The following GLG1 variants were observed in gnomAD, a reference collection of about 807,000 sequenced individuals.
GLG1 encodes the protein Golgi apparatus protein 1.
A neutral mutation model predicts 160.5 loss-of-function variants in GLG1; 38 were observed. That is an observed-to-expected ratio of 0.24 (90% CI 0.18 to 0.31). GLG1 has a LOEUF of 0.31. Among genes scored for constraint, GLG1 ranks in the 10% least tolerant of loss-of-function variants. The pLI, the probability that GLG1 is intolerant of heterozygous loss-of-function variation, is 1.00. For synonymous variants in GLG1, 644 were observed against 543.4 expected, an observed-to-expected ratio of 1.19 and a Z score of -2.57; for missense variants, 1,373 against 1,505.2, an observed-to-expected ratio of 0.91 and a Z score of 1.45.
chr16:74,556,857 C>T (rs2018369218), intron 1 of GLG1, among the ~76,000 whole-genome samples: 1 of 151,310 alleles, frequency 6.6e-6, no homozygotes, highest in African/African-American at 2.4e-5. Context: ...GTGTAACAGT[C>T]TGTTTACAGA....
At position 74,485,822 on chromosome 16, in the gene GLG1, G is replaced by A; in HGVS notation, c.1545C>T (p.Cys515=). The A allele has an allele frequency of 1.2e-6, 2 of 1,612,952 alleles. No homozygotes were observed. The highest frequency in any genetic ancestry group is 2.2e-5 in the East Asian group (1 of 44,866). The change falls in exon 9 of 26, where the codon TGC becomes TGT. Residue 515 remains cysteine (C), a synonymous_variant. Transcript: ENST00000422840. ...TTGGGTCTCCAGATCTTATATGTTT[G>A]CAGGCTGTCTGGATTACAGATTCAC... is the stretch of plus-strand genomic sequence containing the variant. ...EACESVIQTA[C]KHIRSGDPMI... is the part of the protein sequence containing the mutation.
chr16:74,595,226 A>C (rs1391174022), intron 1 of GLG1, among the ~76,000 whole-genome samples: 6 of 148,660 alleles, frequency 4.0e-5, no homozygotes, highest in Non-Finnish European at 3.0e-5. Flanking sequence ...ATGAACCACC[A>C]ATTTAAGAAG....
At chr16:74,468,226 CTTTTTTTTTTTTT>C (rs201829157) in intron 17 of GLG1, 26 of 83,322 alleles carry the variant, frequency 3.1e-4, no homozygotes, top group South Asian at 8.4e-4. Context: ...CTTGAAATGT[CTTTTTTTTTTTTT>C]TTTTTTTTTT....
chr16:74,469,311 CAT>C (rs2015113904), intron 16 of GLG1: 2 of 547,984 alleles, frequency 3.6e-6, no homozygotes, highest in South Asian at 2.3e-5. Context: ...ACACAGGGCA[CAT>C]GTGTGCAACG....
chr16:74,476,429 T>A (rs2015392627), intron 12 of GLG1, among the ~76,000 whole-genome samples: 1 of 152,146 alleles, frequency 6.6e-6, no homozygotes, highest in Admixed American at 6.5e-5. Flanking sequence ...AGTCCTATGC[T>A]CAACAGACCT....
chr16:74,561,800 T>C (rs571457248), intron 1 of GLG1, among the ~76,000 whole-genome samples: 10 of 152,332 alleles, frequency 6.6e-5, no homozygotes, highest in South Asian at 6.2e-4. Flanking sequence ...TGGTCCTTCC[T>C]GAATCCGTAA....
chr16:74,575,229 G>A (rs1046740738), intron 1 of GLG1, among the ~76,000 whole-genome samples: 1 of 151,922 alleles, frequency 6.6e-6, no homozygotes, highest in Non-Finnish European at 1.5e-5. Flanking sequence ...CTAGGCCACA[G>A]AGCGAGACTC....
In GLG1 at chr16:74,529,007, C is replaced by T. The variant is rs2017440389; in HGVS notation, c.471+3114G>A. Among the ~76,000 whole-genome samples, 3 of 147,542 alleles carry T rather than the reference C, an allele frequency of 2.0e-5. No individual in the cohort carries two copies. The Admixed American group carries it at 2.1e-4, about 10-fold the overall frequency. ...TTTGAGACAGAATCTCGCTCTGTTG[C>T]CCAGGCTGGAGTGCAGTGGTACGAT... On this transcript the variant is annotated intron_variant, in intron 2 of 25. Transcript: ENST00000422840.
intron 12 of GLG1, among the ~76,000 whole-genome samples, chr16:74,476,475 A>G (rs2015393605): frequency 6.6e-6 from 1 of 152,152 alleles, no homozygotes; most frequent in South Asian, 2.1e-4. Context: ...AAAATGTCCA[A>G]TTCCTGTACG....
At chr16:74,492,365 C>CAA (rs557279333) in intron 7 of GLG1, among the ~76,000 whole-genome samples, 12 of 99,030 alleles carry the variant, frequency 1.2e-4, no homozygotes, top group African/African-American at 1.9e-4. Context: ...GACTCTGTCT[C>CAA]AAAAAAAAAA....
intron 1 of GLG1, among the ~76,000 whole-genome samples, chr16:74,590,384 G>A (rs1273539547): frequency 2.6e-5 from 4 of 151,864 alleles, no homozygotes; most frequent in East Asian, 1.9e-4. Flanking sequence ...CTGGGAGGCC[G>A]AAGCAGGCGG....
chr16:74,555,079 G>T (rs1371905252), intron 1 of GLG1, among the ~76,000 whole-genome samples: 1 of 151,958 alleles, frequency 6.6e-6, no homozygotes, highest in Middle Eastern at 3.2e-3. Flanking sequence ...TGATAAAACG[G>T]GAAAAAAGAA....
Position 74,457,388 on chromosome 16 carries a change from C to T in GLG1, c.3265+486G>A, listed in dbSNP as rs367849828. Among the ~76,000 whole-genome samples, 298 of 152,210 alleles carry T rather than the reference C, an allele frequency of 2.0e-3. 4 individuals are homozygous for T. In the South Asian group the frequency reaches 0.026, roughly 13 times the overall value. On this transcript the variant is annotated intron_variant, in intron 24 of 25. Transcript: ENST00000422840. ...CTCCAGCCTGGGTGACAGAGTGAGACTCTGTCTCAAAAAAATAAATAAAAA... is the reference window on the plus strand; with the variant it reads ...CTCCAGCCTGGGTGACAGAGTGAGATTCTGTCTCAAAAAAATAAATAAAAA...
At chr16:74,493,778 G>T (rs1412223448) in intron 6 of GLG1, among the ~76,000 whole-genome samples, 1 of 152,152 alleles carries the variant, frequency 6.6e-6, no homozygotes, top group Non-Finnish European at 1.5e-5. Flanking sequence ...ATAGCTAATT[G>T]CCTAGAAAGC....
chr16:74,452,893 T>C lies in GLG1; in HGVS notation c.*274A>G. ...CTGGAAGTACCGGAAGTTCTGTTGG[T>C]ATGAGAGAGACTTGTCTACAGGCAG... On this transcript the variant is annotated 3_prime_UTR_variant, in exon 26 of 26. Coordinates refer to ENST00000422840, the MANE Select transcript of GLG1 (RefSeq NM_001145667.2). 8.8e-7 allele frequency: 1 copy of C among 1,138,282 alleles called. No individual in the cohort carries two copies. The highest frequency in any genetic ancestry group is 1.1e-6 in the Non-Finnish European group (1 of 928,506). The allele number at this position is 1,138,282 out of a possible 1,614,324, so 70.5% of individuals were successfully genotyped here.
chr16:74,523,541 A>C (rs995325133), intron 2 of GLG1, among the ~76,000 whole-genome samples: 1 of 152,292 alleles, frequency 6.6e-6, no homozygotes, highest in East Asian at 1.9e-4. Flanking sequence ...CATTTTTTAT[A>C]ACACCAAGTC....
intron 1 of GLG1, among the ~76,000 whole-genome samples, chr16:74,545,695 G>A (rs146218795): frequency 7.2e-5 from 11 of 152,136 alleles, no homozygotes; most frequent in African/African-American, 2.4e-4. Flanking sequence ...CTTTGTATCT[G>A]AGCTCAACTT....
chr16:74,463,166 C>T lies in GLG1; in HGVS notation c.2791+190G>A. On this transcript the variant is annotated intron_variant, in intron 20 of 25. Transcript: ENST00000422840. Reference sequence around the variant, plus strand: ...GGCAGTTTTCTGGTTCTTGTGGCCTCCTCTCTCCCCTGACTCTCCCTCCAT... The same window carrying T: ...GGCAGTTTTCTGGTTCTTGTGGCCTTCTCTCTCCCCTGACTCTCCCTCCAT... 3 of 584,982 alleles carry T rather than the reference C, an allele frequency of 5.1e-6. 1 individual carries two copies. The highest frequency in any genetic ancestry group is 4.7e-5 in the South Asian group (2 of 42,192). The allele number at this position is 584,982 out of a possible 1,614,324, so 36.2% of individuals were successfully genotyped here. A position where few individuals can be genotyped will look rare whatever the true frequency, so the allele number is the denominator to read the frequency against.
chr16:74,514,307 T>A (rs1254498041), intron 2 of GLG1, among the ~76,000 whole-genome samples: 3 of 152,042 alleles, frequency 2.0e-5, no homozygotes, highest in African/African-American at 7.2e-5. Context: ...AAGATACTCA[T>A]CAAGAAGAGC....
Sources: allele counts gnomAD v4.1 joint callset (sites outside exome capture counted in the v4.1 genomes callset), GRCh38; gene constraint gnomAD v4.1.1; transcripts MANE v1.5; gene names NCBI Gene and HGNC (gene_info 2026-07-23, HGNC 2026-07-21).